Variants in STXBP6 observed in about 807,000 individuals in gnomAD.
STXBP6 encodes syntaxin binding protein 6.
STXBP6 carries 21 observed loss-of-function variants against 26.9 expected under a neutral mutation model. That is an observed-to-expected ratio of 0.78 (90% confidence interval 0.55 to 1.12). The LOEUF is 1.12. STXBP6 is among the 50% of genes most tolerant of loss of function. The pLI is 0.00. For synonymous variants in STXBP6, 97 were observed against 92.6 expected (o/e 1.05, Z -0.27); for missense variants, 232 against 257.9 (o/e 0.90, Z 0.69).
intron 2 of STXBP6, among the ~76,000 whole-genome samples, chr14:24,925,610 G>A (rs888281751): frequency 1.3e-5 from 2 of 152,130 alleles, no homozygotes; most frequent in Non-Finnish European, 2.9e-5. Flanking sequence ...TCTCCACTCT[G>A]AAACTTCTCA....
chr14:24,838,106 A>C (rs189506985), intron 4 of STXBP6, among the ~76,000 whole-genome samples: 4 of 152,288 alleles, frequency 2.6e-5, no homozygotes, highest in African/African-American at 9.6e-5. Flanking sequence ...ATCTCAGTGC[A>C]TAGCAATGAT....
chr14:24,902,929 T>A (rs1030268717), intron 2 of STXBP6, among the ~76,000 whole-genome samples: 1 of 152,144 alleles, frequency 6.6e-6, no homozygotes, highest in African/African-American at 2.4e-5. Context: ...ATCCATAGAA[T>A]TTTACCAAGG....
intron 2 of STXBP6, among the ~76,000 whole-genome samples, chr14:24,934,015 T>C (rs1263595004): frequency 6.6e-6 from 1 of 151,900 alleles, no homozygotes; most frequent in African/African-American, 2.4e-5. Context: ...ATAGTGAATG[T>C]AGGGGCAGAA....
rs546502890 is a variant in STXBP6, at chr14:24,932,250, T to C, written c.154+42415A>G. Among the ~76,000 whole-genome samples the C allele has an allele frequency of 2.1e-3, 321 of 152,278 alleles. 1 individual carries two copies. Among genetic ancestry groups the C allele is most frequent in the Non-Finnish European group, 4.0e-3 (273 of 68,016 alleles). ...GGTGAAACTCCATCTCTACTAAAAA[T>C]ACAAAAACTAGCTGGGCGTGGTAGC... On this transcript the variant is annotated intron_variant, in intron 2 of 5. Coordinates refer to ENST00000323944, the MANE Select transcript of STXBP6 (RefSeq NM_001394410.1).
intron 1 of STXBP6, among the ~76,000 whole-genome samples, chr14:24,977,957 T>C (rs1425443734): frequency 6.6e-6 from 1 of 152,220 alleles, no homozygotes; most frequent in Non-Finnish European, 1.5e-5. Context: ...TAGGAGATTA[T>C]CAGATTCATT....
At chr14:25,002,177 G>A (rs1453366851) in intron 1 of STXBP6, among the ~76,000 whole-genome samples, 1 of 152,140 alleles carries the variant, frequency 6.6e-6, no homozygotes, top group Non-Finnish European at 1.5e-5. Context: ...ATAAGTAGAT[G>A]AGGCTAGATT....
chr14:24,866,802 G>A (rs970331119), intron 2 of STXBP6, among the ~76,000 whole-genome samples: 48 of 151,494 alleles, frequency 3.2e-4, no homozygotes, highest in Non-Finnish European at 5.5e-4. Context: ...TGGGTCAGAA[G>A]ACTCAATATT....
chr14:24,943,781 T>A (rs1036940422), intron 2 of STXBP6, among the ~76,000 whole-genome samples: 1 of 152,222 alleles, frequency 6.6e-6, no homozygotes, highest in African/African-American at 2.4e-5. Context: ...TATCTTGACC[T>A]TTAAATAAAT....
chr14:25,025,231 G>A (rs913973773), intron 1 of STXBP6, among the ~76,000 whole-genome samples: 1 of 151,976 alleles, frequency 6.6e-6, no homozygotes, highest in Non-Finnish European at 1.5e-5. Flanking sequence ...ACTTAGAGCA[G>A]AGTTTTAAAC....
chr14:24,967,224 GT>G (rs1339920673), intron 2 of STXBP6, among the ~76,000 whole-genome samples: 1 of 152,178 alleles, frequency 6.6e-6, no homozygotes, highest in East Asian at 1.9e-4. Context: ...GATTAAAGGA[GT>G]TAACATGTGG....
At position 24,878,862 on chromosome 14, in the gene STXBP6, A is replaced by G. The variant is rs2070247693; in HGVS notation, c.155-21705T>C. 6.9e-6 allele frequency: 3 copies of G among 437,878 alleles called. No individual in the cohort carries two copies. In the Admixed American group the frequency reaches 7.2e-5, roughly 10 times the overall value. 27.1% of individuals were successfully genotyped at this position (437,878 alleles called of 1,614,324 possible). On this transcript the variant is annotated intron_variant, in intron 2 of 5. Transcript: ENST00000323944. Reference sequence around the variant, plus strand: ...CAATGCAAATTAACAGGGAGCTATTATGCCTTTCCCTATTCTTACTGAAAC... The same window carrying G: ...CAATGCAAATTAACAGGGAGCTATTGTGCCTTTCCCTATTCTTACTGAAAC...
chr14:24,962,800 A>G (rs1471927414), intron 2 of STXBP6, among the ~76,000 whole-genome samples: 1 of 152,030 alleles, frequency 6.6e-6, no homozygotes, highest in East Asian at 1.9e-4. Context: ...TCTAACAGTT[A>G]TCCACGTGTT....
chr14:24,907,652 C>T (rs917342490), intron 2 of STXBP6, among the ~76,000 whole-genome samples: 2 of 151,936 alleles, frequency 1.3e-5, no homozygotes, highest in Non-Finnish European at 2.9e-5. Context: ...AAATATATAG[C>T]CTTTTAATAA....
At chr14:24,888,456 G>C (rs552545460) in intron 2 of STXBP6, among the ~76,000 whole-genome samples, 31 of 152,274 alleles carry the variant, frequency 2.0e-4, no homozygotes, top group African/African-American at 6.5e-4. Flanking sequence ...GGGTGCGGTG[G>C]CTCACCTCTG....
At chr14:25,025,798 A>G (rs1316428545) in intron 1 of STXBP6, among the ~76,000 whole-genome samples, 1 of 152,190 alleles carries the variant, frequency 6.6e-6, no homozygotes, top group East Asian at 1.9e-4. Flanking sequence ...GTCCCTTAAA[A>G]TGAAGTCAGA....
intron 1 of STXBP6, among the ~76,000 whole-genome samples, chr14:25,036,011 G>A (rs11159041): frequency 0.48 from 73,443 of 151,558 alleles, 19,564 homozygotes; most frequent in African/African-American, 0.72. Context: ...TGAGGTCAGG[G>A]GTTCGAGACC....
chr14:24,989,586 A>C (rs2074415016), intron 1 of STXBP6, among the ~76,000 whole-genome samples: 1 of 152,258 alleles, frequency 6.6e-6, no homozygotes, highest in Non-Finnish European at 1.5e-5. Context: ...GAAGAAACAA[A>C]TACCAAGAAT....
intron 2 of STXBP6, among the ~76,000 whole-genome samples, chr14:24,920,368 T>G (rs2071936459): frequency 6.6e-6 from 1 of 152,054 alleles, no homozygotes; most frequent in Non-Finnish European, 1.5e-5. Context: ...TTTAAAATAT[T>G]TACTCATAAA....
rs765811816 is a variant in STXBP6, at chr14:24,857,055, C to A, written c.257G>T (p.Arg86Leu). The change falls in exon 3 of 6, where the codon CGC becomes CTC. Residue 86 changes from arginine to leucine, a missense_variant. Arg to Leu is a moderately radical substitution (Grantham distance 102). Coordinates refer to ENST00000323944, the MANE Select transcript of STXBP6 (RefSeq NM_001394410.1). ...ATTAGGATCGATACCATTAACCTGGCGAAGCTGCTCGAGCATCCACTGTGA... is the reference window on the plus strand; with the variant it reads ...ATTAGGATCGATACCATTAACCTGGAGAAGCTGCTCGAGCATCCACTGTGA... ...RRSQWMLEQL[R>L]QVNGIDPNGD... 18 of 1,612,784 alleles carry A rather than the reference C, an allele frequency of 1.1e-5. No homozygotes were observed. The highest frequency in any genetic ancestry group is 1.4e-5 in the Non-Finnish European group (17 of 1,179,182).
Sources: gnomAD v4.1 joint callset for allele counts (sites outside exome capture counted in the v4.1 genomes callset) on GRCh38, gnomAD v4.1.1 for gene constraint, MANE v1.5 for transcripts, NCBI Gene and HGNC (gene_info 2026-07-23, HGNC 2026-07-21) for gene names.